Variants in KLF4 observed in about 807,000 individuals in gnomAD.
KLF4 encodes the protein KLF transcription factor 4.
Under a neutral mutation model 38.0 loss-of-function variants are expected in KLF4, and 14 were observed. The observed-to-expected ratio is 0.37, with a 90% confidence interval of 0.24 to 0.58. KLF4 has a LOEUF of 0.58. Ranked by LOEUF, KLF4 falls within the 20% of genes least tolerant of loss-of-function variation. The pLI, the probability that KLF4 is intolerant of heterozygous loss-of-function variation, is 0.76. For synonymous variants in KLF4, 398 were observed against 302.5 expected, an observed-to-expected ratio of 1.32 and a Z score of -3.28; for missense variants, 737 against 670.1, an observed-to-expected ratio of 1.10 and a Z score of -1.10.
At position 107,485,994 on chromosome 9, in the gene KLF4, TG is replaced by T; in HGVS notation, c.1265-69del. On this transcript the variant is annotated intron_variant, in intron 4 of 4. Coordinates refer to ENST00000374672, the MANE Select transcript of KLF4 (RefSeq NM_004235.6). The surrounding 1 kb of genome is among the most constrained non-coding windows in gnomAD (Gnocchi z 4.9). ...TCAAAGAATCGCCCCTTTTAAAAAC[TG>T]AAGGCCAGATAGTAAACCAACTCTG... The T allele has an allele frequency of 6.8e-7, 1 of 1,469,668 alleles. No individual in the cohort carries two copies. Among genetic ancestry groups the T allele is most frequent in the Non-Finnish European group, 9.2e-7 (1 of 1,081,404 alleles). 91.0% of individuals were successfully genotyped at this position (1,469,668 alleles called of 1,614,324 possible).
Position 107,487,285 on chromosome 9 carries a change from C to CG in KLF4, c.1099+9dup, listed in dbSNP as rs1564294097. On this transcript the variant is annotated intron_variant, in intron 3 of 4. Transcript: ENST00000374672. The surrounding 1 kb of genome is among the most constrained non-coding windows in gnomAD (Gnocchi z 6.1). ...CTCCCCAGCCCGAGCTACAAATCCC[C>CG]GGGACTGACCTTGGTAATGGAGCGG... 1 of 1,590,970 alleles carries CG rather than the reference C, an allele frequency of 6.3e-7. No individual in the cohort carries two copies. Among genetic ancestry groups the CG allele is most frequent in the Non-Finnish European group, 8.6e-7 (1 of 1,167,818 alleles).
Position 107,485,946 on chromosome 9 carries a change from A to T in KLF4, c.1265-20T>A. On this transcript the variant is annotated intron_variant, in intron 4 of 4. Coordinates refer to ENST00000374672, the MANE Select transcript of KLF4 (RefSeq NM_004235.6). The surrounding 1 kb of genome is among the most constrained non-coding windows in gnomAD (Gnocchi z 4.9). ...TCTCACCTGTAAAGGTAAAAGAAAA[A>T]AAAAATTGACGCTATTGCTATATCA... 5 of 1,594,070 alleles carry T rather than the reference A, an allele frequency of 3.1e-6. No homozygotes were observed. Among genetic ancestry groups the T allele is most frequent in the Non-Finnish European group, 4.3e-6 (5 of 1,175,094 alleles).
intron 4 of KLF4, among the ~76,000 whole-genome samples, chr9:107,486,430 TG>T (rs1829064445): frequency 1.3e-5 from 2 of 151,954 alleles, no homozygotes; most frequent in Non-Finnish European, 2.9e-5. Flanking sequence ...TGCTCTGCAG[TG>T]ACAACCCTAA....
At chr9:107,486,664 G>A (rs1437431179) in intron 4 of KLF4, among the ~76,000 whole-genome samples, 1 of 152,116 alleles carries the variant, frequency 6.6e-6, no homozygotes, top group Non-Finnish European at 1.5e-5. Flanking sequence ...AAGCCATCAT[G>A]CTTTTGCATA....
chr9:107,488,930 G>T lies in KLF4; in HGVS notation c.126C>A (p.Asn42Lys), dbSNP rs1240568247. 6.4e-7 allele frequency: 1 copy of T among 1,553,740 alleles called. No homozygotes were observed. The highest frequency in any genetic ancestry group is 8.7e-7 in the Non-Finnish European group (1 of 1,148,260). The change falls in exon 2 of 5, where the codon AAC becomes AAA. Residue 42 changes from asparagine to lysine, a missense_variant and splice_region_variant. This residue lies in a region of KLF4 where 695 missense variants were observed against 554.5 expected (regional missense o/e 1.25). Coordinates refer to ENST00000374672, the MANE Select transcript of KLF4 (RefSeq NM_004235.6). The surrounding 1 kb of genome is among the most constrained non-coding windows in gnomAD (Gnocchi z 5.7). ...KTLRQAGAPN[N>K]RWREELSHMK... ...CCCGGCGGCCCGGAGCGATACTCAC[G>T]TTATTCGGGGCACCTGCTTGACGCA...
rs753593954 is a variant in KLF4, at chr9:107,487,152, C to A, written c.1140G>T (p.Lys380Asn). The stretch of plus-strand genomic sequence containing the variant: ...GCCACGATCGTCTTCCCCTCTTTGG[C>A]TTGGGCTCCTCTGGCATGCAGGAAC... ...PPGSCMPEEP[K>N]PKRGRRSWPR... The change falls in exon 4 of 5, where the codon AAG becomes AAT. Residue 380 changes from lysine to asparagine, a missense_variant. Physicochemically the swap from Lys to Asn is moderately conservative, Grantham distance 94. This residue lies in a region of KLF4 where 695 missense variants were observed against 554.5 expected (regional missense o/e 1.25). Coordinates refer to ENST00000374672, the MANE Select transcript of KLF4 (RefSeq NM_004235.6). The surrounding 1 kb of genome is among the most constrained non-coding windows in gnomAD (Gnocchi z 6.1). The A allele has an allele frequency of 6.2e-7, 1 of 1,614,192 alleles. No homozygotes were observed. Among genetic ancestry groups the A allele is most frequent in the South Asian group, 1.1e-5 (1 of 91,088 alleles).
rs564678141 is a variant in KLF4, at chr9:107,488,800, T to G, written c.126+130A>C. 30 of 1,287,878 alleles carry G rather than the reference T, an allele frequency of 2.3e-5. No individual in the cohort carries two copies. In the Admixed American group the frequency reaches 3.9e-4, roughly 17 times the overall value. 79.8% of individuals were successfully genotyped at this position (1,287,878 alleles called of 1,614,324 possible). A position where few individuals can be genotyped will look rare whatever the true frequency, so the allele number is the denominator to read the frequency against. On this transcript the variant is annotated intron_variant, in intron 2 of 4. Transcript: ENST00000374672. This position sits in a 1 kb window ranked among gnomAD's most constrained non-coding sequence, Gnocchi z 5.7. ...GGACACGGAAGCTATCCCGGGAAGG[T>G]TGCGGAGTCCGCGCGGTGGCCGCTC...
chr9:107,486,342 CTTT>C (rs964513644), intron 4 of KLF4, among the ~76,000 whole-genome samples: 1 of 151,528 alleles, frequency 6.6e-6, no homozygotes, highest in Non-Finnish European at 1.5e-5. Context: ...CAGGTGGCTA[CTTT>C]TTTTTTCTTT....
In KLF4 at chr9:107,485,517, T is replaced by G; in HGVS notation, c.*234A>C. 4.5e-6 allele frequency: 2 copies of G among 441,830 alleles called. No individual in the cohort carries two copies. The highest frequency in any genetic ancestry group is 3.9e-6 in the Non-Finnish European group (1 of 254,086). The allele number at this position is 441,830 out of a possible 1,614,324, so 27.4% of individuals were successfully genotyped here. On this transcript the variant is annotated 3_prime_UTR_variant, in exon 5 of 5. Coordinates refer to ENST00000374672, the MANE Select transcript of KLF4 (RefSeq NM_004235.6). The surrounding 1 kb of genome is among the most constrained non-coding windows in gnomAD (Gnocchi z 4.9). ...TAAGTCCAGGAATATTCAAGTCGGA[T>G]TTAGAATTGGAATGATAGAAGATCC...
chr9:107,486,543 C>CA (rs1829065893), intron 4 of KLF4, among the ~76,000 whole-genome samples: 1 of 150,864 alleles, frequency 6.6e-6, no homozygotes, highest in African/African-American at 2.4e-5. Context: ...TCAAAACGAA[C>CA]AAAAAATAAA....
Position 107,488,908 on chromosome 9 carries a change from G to C in KLF4, c.126+22C>G, listed in dbSNP as rs896126876. 14 of 1,545,918 alleles carry C rather than the reference G, an allele frequency of 9.1e-6. No homozygotes were observed. Among genetic ancestry groups the C allele is most frequent in the Non-Finnish European group, 1.1e-5 (13 of 1,143,416 alleles). On this transcript the variant is annotated intron_variant, in intron 2 of 4. Coordinates refer to ENST00000374672, the MANE Select transcript of KLF4 (RefSeq NM_004235.6). The surrounding 1 kb of genome is among the most constrained non-coding windows in gnomAD (Gnocchi z 5.7). ...CCACGAAAACCCACCGGGCGTTCCC[G>C]GCGGCCCGGAGCGATACTCACGTTA... is the stretch of plus-strand genomic sequence containing the variant.
chr9:107,486,008 T>A, intron 4 of KLF4, 82 bp from the exon 5 acceptor site: 1 of 1,259,794 alleles, frequency 7.9e-7, no homozygotes, highest in Non-Finnish European at 1.1e-6. Flanking sequence ...GGCCAGATAG[T>A]AAACCAACTC....
rs978805252 is a variant in KLF4, at chr9:107,485,290, T to C, written c.*461A>G. On this transcript the variant is annotated 3_prime_UTR_variant, in exon 5 of 5. Transcript: ENST00000374672. This position sits in a 1 kb window ranked among gnomAD's most constrained non-coding sequence, Gnocchi z 4.9. Reference sequence around the variant, plus strand: ...CACCATCATTTAGGCTATTTAAACATGTTTTCTGTACCTGAATTTCTTCCT... The same window carrying C: ...CACCATCATTTAGGCTATTTAAACACGTTTTCTGTACCTGAATTTCTTCCT... The C allele has an allele frequency of 4.6e-6, 1 of 218,676 alleles. No homozygotes were observed. The highest frequency in any genetic ancestry group is 2.2e-5 in the African/African-American group (1 of 44,554). 13.5% of individuals were successfully genotyped at this position (218,676 alleles called of 1,614,324 possible). A position where few individuals can be genotyped will look rare whatever the true frequency, so the allele number is the denominator to read the frequency against.
chr9:107,486,364 G>A (rs757167776), intron 4 of KLF4, among the ~76,000 whole-genome samples: 9 of 151,786 alleles, frequency 5.9e-5, no homozygotes, highest in Admixed American at 2.6e-4. Context: ...TTACCTTTAC[G>A]TTACTGAATG....
rs756511308 is a variant in KLF4, at chr9:107,487,987, G to C, written c.407C>G (p.Pro136Arg). 1.9e-6 allele frequency: 3 copies of C among 1,594,380 alleles called. No individual in the cohort carries two copies. The highest frequency in any genetic ancestry group is 2.6e-6 in the Non-Finnish European group (3 of 1,171,362). Residue 136 changes from proline to arginine, a missense_variant, in exon 3 of 5, where the codon CCG becomes CGG. By Grantham distance (103) the Pro-to-Arg change is moderately radical. Transcript: ENST00000374672. The surrounding 1 kb of genome is among the most constrained non-coding windows in gnomAD (Gnocchi z 6.1). ...CGCGCTGGCAGGGCCGCTGCTCGAC[G>C]GCGACGACGAAGAGGAGGCTGACGC... ...SSASASSSSS[P>R]SSSGPASAPS... is the part of the protein sequence containing the mutation.
At position 107,488,324 on chromosome 9, in the gene KLF4, A is replaced by C; in HGVS notation, c.127-57T>G. 1 of 1,488,288 alleles carries C rather than the reference A, an allele frequency of 6.7e-7. No homozygotes were observed. The highest frequency in any genetic ancestry group is 8.9e-7 in the Non-Finnish European group (1 of 1,123,264). The allele number at this position is 1,488,288 out of a possible 1,614,324, so 92.2% of individuals were successfully genotyped here. A position where few individuals can be genotyped will look rare whatever the true frequency, so the allele number is the denominator to read the frequency against. ...TGGTGGTCCCCTGTTGCCACCCGAC[A>C]TACTGACGTGCTGGCGGGCCACGCG... On this transcript the variant is annotated intron_variant, in intron 2 of 4. Transcript: ENST00000374672. This position sits in a 1 kb window ranked among gnomAD's most constrained non-coding sequence, Gnocchi z 5.7.
intron 4 of KLF4, among the ~76,000 whole-genome samples, chr9:107,486,212 T>C (rs1829060513): frequency 6.6e-6 from 1 of 152,166 alleles, no homozygotes. Flanking sequence ...CCTAAACCTA[T>C]ACTAATGTTT....
At position 107,488,046 on chromosome 9, in the gene KLF4, A is replaced by C. The variant is rs1279100975; in HGVS notation, c.348T>G (p.Pro116=). The C allele has an allele frequency of 6.2e-7, 1 of 1,612,126 alleles. No homozygotes were observed. Among genetic ancestry groups the C allele is most frequent in the South Asian group, 1.1e-5 (1 of 91,006 alleles). The change falls in exon 3 of 5, where the codon CCT becomes CCG. Residue 116 remains proline, a synonymous_variant. Transcript: ENST00000374672. This position sits in a 1 kb window ranked among gnomAD's most constrained non-coding sequence, Gnocchi z 5.7. ...ACACGGTGGCGGCCACTGACTCCGG[A>C]GGATGGGTCAGCGAATTGGAGAGAA... is the stretch of plus-strand genomic sequence containing the variant. ...DFILSNSLTH[P]PESVAATVSS... is the part of the protein sequence containing the mutation.
chr9:107,489,329 T>A lies in KLF4; in HGVS notation c.-157A>T, dbSNP rs45531231. 0.033 allele frequency: 34,868 copies of A among 1,042,784 alleles called. 1,292 individuals are homozygous for A. Among genetic ancestry groups the A allele is most frequent in the East Asian group, 0.16 (5,520 of 33,910 alleles). 64.6% of individuals were successfully genotyped at this position (1,042,784 alleles called of 1,614,324 possible). On this transcript the variant is annotated 5_prime_UTR_variant, in exon 1 of 5. Transcript: ENST00000374672. Reference sequence around the variant, plus strand: ...AAATATAACTTGGAAGCGTCTTTTTTAAAAAGTTCCTTTGTATACAAAAGT... The same window carrying A: ...AAATATAACTTGGAAGCGTCTTTTTAAAAAAGTTCCTTTGTATACAAAAGT...
Sources: gnomAD v4.1 joint callset for allele counts (sites outside exome capture counted in the v4.1 genomes callset) on GRCh38, gnomAD v4.1.1 for gene constraint, gnomAD v4.1.1 regional missense constraint, Gnocchi (gnomAD v3.1) non-coding constraint, MANE v1.5 for transcripts, NCBI Gene and HGNC (gene_info 2026-07-23, HGNC 2026-07-21) for gene names.